Variants in MGAT4C observed in about 807,000 individuals in gnomAD.
The protein encoded by MGAT4C is alpha-1,3-mannosyl-glycoprotein 4-beta-N-acetylglucosaminyltransferase C.
A neutral mutation model predicts 40.1 loss-of-function variants in MGAT4C; 19 were observed. The observed-to-expected ratio is 0.47, with a 90% CI of 0.33 to 0.70. The LOEUF (loss-of-function observed/expected upper bound fraction) is 0.70, where lower values mean the gene tolerates loss of function less well. MGAT4C is among the 30% of genes least tolerant of loss of function. The pLI is 0.02. For missense variants in MGAT4C, 491 were observed against 563.2 expected, an observed-to-expected ratio of 0.87 and a Z score of 1.30; for synonymous variants, 181 against 187.1, an observed-to-expected ratio of 0.97 and a Z score of 0.27.
At position 85,994,586 on chromosome 12, in the gene MGAT4C, C is replaced by A. The variant is rs139667176; in HGVS notation, c.-6-5034G>T. 2.5e-3 allele frequency among the ~76,000 whole-genome samples: 377 copies of A among 151,548 alleles called. 1 individual carries two copies. The highest frequency in any genetic ancestry group is 4.8e-3 in the Non-Finnish European group (325 of 67,916). ...CTCAAACATAGAATTATTTTCTACACCTTGGTTTAGGAAAGTTTTTAAAAA... is the reference window on the plus strand; with the variant it reads ...CTCAAACATAGAATTATTTTCTACAACTTGGTTTAGGAAAGTTTTTAAAAA... On this transcript the variant is annotated intron_variant, in intron 2 of 4. Transcript: ENST00000611864.
At chr12:86,230,999 A>G (rs960839333) in intron 1 of MGAT4C, among the ~76,000 whole-genome samples, 8 of 152,020 alleles carry the variant, frequency 5.3e-5, no homozygotes, top group Non-Finnish European at 8.8e-5. Context: ...GCAGTAATGG[A>G]TGCCTACTAT....
chr12:86,321,702 T>TGGCATTAACAAGTTAGAATGG (rs1954393776), intron 4 of MGAT4C, among the ~76,000 whole-genome samples: 1 of 152,172 alleles, frequency 6.6e-6, no homozygotes, highest in Non-Finnish European at 1.5e-5. Flanking sequence ...AGAATGGCGA[T>TGGCATTAACAAGTTAGAATGG]CATTAACAAG....
At chr12:86,780,319 T>C (rs1951816495) in intron 1 of MGAT4C, among the ~76,000 whole-genome samples, 1 of 152,106 alleles carries the variant, frequency 6.6e-6, no homozygotes, top group African/African-American at 2.4e-5. Flanking sequence ...ATCCCATGTT[T>C]GTTATATATT....
intron 2 of MGAT4C, among the ~76,000 whole-genome samples, chr12:86,592,888 C>T (rs1169960845): frequency 6.6e-6 from 1 of 152,082 alleles, no homozygotes; most frequent in African/African-American, 2.4e-5. Context: ...CAACATTTAC[C>T]TTTATTGTCT....
chr12:86,764,264 G>C (rs61949592), intron 1 of MGAT4C, among the ~76,000 whole-genome samples: 13,787 of 152,136 alleles, frequency 0.091, 810 homozygotes, highest in Middle Eastern at 0.24. Flanking sequence ...CTGATTGCTA[G>C]CACAGCAGTC....
intron 1 of MGAT4C, among the ~76,000 whole-genome samples, chr12:86,202,905 AATAT>A (rs771355830): frequency 2.0e-5 from 3 of 151,928 alleles, no homozygotes; most frequent in Non-Finnish European, 4.4e-5. Context: ...ACTTTCCTTA[AATAT>A]ATTTTAACAA....
At chr12:86,378,385 T>C (rs892019108) in intron 3 of MGAT4C, among the ~76,000 whole-genome samples, 1 of 152,236 alleles carries the variant, frequency 6.6e-6, no homozygotes, top group Non-Finnish European at 1.5e-5. Context: ...ATGTGATTTT[T>C]CGTTTTTCCT....
At chr12:86,270,787 G>C (rs373999832) in intron 4 of MGAT4C, among the ~76,000 whole-genome samples, 12 of 152,206 alleles carry the variant, frequency 7.9e-5, no homozygotes, top group African/African-American at 2.9e-4. Flanking sequence ...ACATTACAAG[G>C]CTATAGTAAA....
chr12:86,258,019 G>GAT (rs10630084), upstream of MGAT4C, among the ~76,000 whole-genome samples: 126,710 of 151,700 alleles, frequency 0.84, 53,036 homozygotes, highest in East Asian at 0.95. Flanking sequence ...ATAAATATAA[G>GAT]ATAATTAATA....
chr12:86,806,570 C>T (rs1343510681), intron 1 of MGAT4C, among the ~76,000 whole-genome samples: 2 of 151,966 alleles, frequency 1.3e-5, no homozygotes, highest in African/African-American at 4.8e-5. Flanking sequence ...AGGATCCCTC[C>T]TGTCACCTTT....
chr12:85,994,244 C>T (rs1267650718), intron 2 of MGAT4C, among the ~76,000 whole-genome samples: 7 of 152,308 alleles, frequency 4.6e-5, no homozygotes, highest in East Asian at 3.9e-4. Context: ...TAATGACAGT[C>T]GTCTAAATTC....
At chr12:86,020,974 G>C (rs543233781) in intron 2 of MGAT4C, among the ~76,000 whole-genome samples, 1 of 152,078 alleles carries the variant, frequency 6.6e-6, no homozygotes, top group East Asian at 1.9e-4. Flanking sequence ...GCAGCCAAAA[G>C]ACACATGAAA....
intron 2 of MGAT4C, among the ~76,000 whole-genome samples, chr12:86,698,327 A>C (rs1565932414): frequency 6.6e-6 from 1 of 152,038 alleles, no homozygotes; most frequent in Non-Finnish European, 1.5e-5. Context: ...AATAAGTGAA[A>C]ATTTTTTAAA....
chr12:86,508,243 G>A (rs942598046), intron 2 of MGAT4C, among the ~76,000 whole-genome samples: 2 of 151,612 alleles, frequency 1.3e-5, no homozygotes, highest in Admixed American at 6.6e-5. Flanking sequence ...AGAGCGTGAC[G>A]TTCCCCTTCC....
intron 1 of MGAT4C, among the ~76,000 whole-genome samples, chr12:86,131,634 C>A (rs1881196435): frequency 6.6e-6 from 1 of 151,722 alleles, no homozygotes; most frequent in Non-Finnish European, 1.5e-5. Context: ...GGCTTTATGT[C>A]ATTAGTCAGA....
chr12:86,753,593 G>T (rs568085090), intron 1 of MGAT4C, among the ~76,000 whole-genome samples: 4 of 151,806 alleles, frequency 2.6e-5, no homozygotes, highest in Non-Finnish European at 5.9e-5. Context: ...CGGCAGTCAC[G>T]CAATGGGAGA....
At chr12:86,688,822 C>G (rs565624196) in intron 2 of MGAT4C, among the ~76,000 whole-genome samples, 1 of 152,152 alleles carries the variant, frequency 6.6e-6, no homozygotes, top group East Asian at 1.9e-4. Flanking sequence ...AATTATGTGT[C>G]TGGGGGTTAT....
chr12:86,481,113 A>G (rs1957930197), intron 2 of MGAT4C, among the ~76,000 whole-genome samples: 1 of 152,024 alleles, frequency 6.6e-6, no homozygotes, highest in African/African-American at 2.4e-5. Context: ...TGTCTTAATA[A>G]AAGTTAAACC....
At chr12:86,656,434 G>A (rs1337050536) in intron 2 of MGAT4C, among the ~76,000 whole-genome samples, 1 of 151,970 alleles carries the variant, frequency 6.6e-6, no homozygotes, top group African/African-American at 2.4e-5. Flanking sequence ...CTGGAGACAT[G>A]GTAGGCTAAC....
Sources: allele counts gnomAD v4.1 joint callset (sites outside exome capture counted in the v4.1 genomes callset), GRCh38; gene constraint gnomAD v4.1.1; transcripts MANE v1.5; gene names NCBI Gene and HGNC (gene_info 2026-07-23, HGNC 2026-07-21).